Variants in KIAA0319 observed in about 807,000 individuals in gnomAD.
The protein encoded by KIAA0319 is KIAA0319.
KIAA0319 carries 83 observed loss-of-function variants against 108.4 expected under a neutral mutation model. The ratio of observed to expected loss-of-function variants is 0.77; its 90% CI spans 0.64 to 0.92. KIAA0319 has a LOEUF of 0.92. Ranked by LOEUF, KIAA0319 falls within the 40% of genes least tolerant of loss-of-function variation. KIAA0319 has a pLI of 0.00. For missense variants in KIAA0319, 1,195 were observed against 1,322.4 expected (o/e 0.90, Z 1.49); for synonymous variants, 484 against 510.4 (o/e 0.95, Z 0.70).
At chr6:24,617,490 C>T (rs1562077885) in intron 1 of KIAA0319, among the ~76,000 whole-genome samples, 1 of 152,010 alleles carries the variant, frequency 6.6e-6, no homozygotes, top group Non-Finnish European at 1.5e-5. Flanking sequence ...TAAAGGATAT[C>T]CCCAAAGGCC....
At chr6:24,640,199 T>C (rs1371182240) in intron 1 of KIAA0319, among the ~76,000 whole-genome samples, 1 of 152,154 alleles carries the variant, frequency 6.6e-6, no homozygotes, top group Non-Finnish European at 1.5e-5. Flanking sequence ...AATAAAACAG[T>C]CCCTTCTCTA....
chr6:24,554,640 C>T lies in KIAA0319; in HGVS notation c.2858-9G>A. ...ATAGAATATACTCCACTCTGAAACA[C>T]AAGAAAACCAAAGTGGACATAGTTA... On this transcript the variant is annotated splice_polypyrimidine_tract_variant and intron_variant, in intron 18 of 20. Transcript: ENST00000378214. 6.3e-7 allele frequency: 1 copy of T among 1,582,324 alleles called. No homozygotes were observed. Among genetic ancestry groups the T allele is most frequent in the Non-Finnish European group, 8.7e-7 (1 of 1,152,788 alleles).
chr6:24,615,237 CA>C (rs1393069156), intron 1 of KIAA0319, among the ~76,000 whole-genome samples: 3 of 152,070 alleles, frequency 2.0e-5, no homozygotes, highest in Non-Finnish European at 4.4e-5. Flanking sequence ...AACCTAACGT[CA>C]ATTGACAGGA....
chr6:24,553,260 G>A (rs1253671230), intron 19 of KIAA0319, among the ~76,000 whole-genome samples: 2 of 126,142 alleles, frequency 1.6e-5, no homozygotes, highest in Admixed American at 1.7e-4. Context: ...GGCCACTTAG[G>A]TACTTGTGAG....
intron 16 of KIAA0319, among the ~76,000 whole-genome samples, chr6:24,559,996 T>C (rs948569296): frequency 6.6e-6 from 1 of 152,240 alleles, no homozygotes; most frequent in Non-Finnish European, 1.5e-5. Context: ...CTTACCATCA[T>C]GTTTTCAAAG....
At chr6:24,632,803 G>A (rs1257590005) in intron 1 of KIAA0319, among the ~76,000 whole-genome samples, 1 of 152,196 alleles carries the variant, frequency 6.6e-6, no homozygotes, top group Admixed American at 6.5e-5. Context: ...ATAAACCTGT[G>A]CCAATCAACA....
In KIAA0319 at chr6:24,576,429, T is replaced by G. The variant is rs1191064488; in HGVS notation, c.1673A>C (p.Gln558Pro). The G allele has an allele frequency of 1.2e-6, 2 of 1,614,072 alleles. No individual in the cohort carries two copies. The highest frequency in any genetic ancestry group is 1.3e-5 in the African/African-American group (1 of 74,920). The change falls in exon 10 of 21, where the codon CAG (glutamine) becomes CCG (proline). Residue 558 changes from glutamine to proline, a missense_variant. By Grantham distance (76) the Gln-to-Pro change is moderately conservative (BLOSUM62 -1). Coordinates refer to ENST00000378214, the MANE Select transcript of KIAA0319 (RefSeq NM_014809.4). ...LNGNQSSDDH[Q>P]IVLYEWSLGP... ...CAGGGACCACTCATAGAGGACAATC[T>G]GGTGATCGTCACTGCTCTGGTTTCC... is the stretch of plus-strand genomic sequence containing the variant.
intron 1 of KIAA0319, among the ~76,000 whole-genome samples, chr6:24,633,027 G>T (rs1313989495): frequency 6.6e-6 from 1 of 152,136 alleles, no homozygotes; most frequent in Non-Finnish European, 1.5e-5. Context: ...GAAAATACAG[G>T]CAAGGAAGAT....
chr6:24,579,578 T>C (rs1766151943), intron 8 of KIAA0319, among the ~76,000 whole-genome samples: 1 of 149,488 alleles, frequency 6.7e-6, no homozygotes, highest in Non-Finnish European at 1.5e-5. Flanking sequence ...GCTAACCATA[T>C]ATACCACACC....
intron 1 of KIAA0319, among the ~76,000 whole-genome samples, chr6:24,641,593 C>A (rs1329962023): frequency 2.0e-5 from 3 of 152,122 alleles, no homozygotes; most frequent in Non-Finnish European, 4.4e-5. Context: ...CATGGGAAGA[C>A]CTTTCCTATA....
At chr6:24,619,890 T>C (rs1773684785) in intron 1 of KIAA0319, among the ~76,000 whole-genome samples, 1 of 152,202 alleles carries the variant, frequency 6.6e-6, no homozygotes, top group Non-Finnish European at 1.5e-5. Context: ...CCTCGCTGCT[T>C]CAGCCAGAGC....
chr6:24,599,385 G>A lies in KIAA0319; in HGVS notation c.55+1664C>T. 3 of 547,376 alleles carry A rather than the reference G, an allele frequency of 5.5e-6. No individual in the cohort carries two copies. Among genetic ancestry groups the A allele is most frequent in the Non-Finnish European group, 7.0e-6 (2 of 284,568 alleles). 33.9% of individuals were successfully genotyped at this position (547,376 alleles called of 1,614,324 possible). A position where few individuals can be genotyped will look rare whatever the true frequency, so the allele number is the denominator to read the frequency against. ...GGATGCGGAGAAGCGTGGGGAGCTG[G>A]CCATTAAGGATGCCAATGCCAAGCT... is the stretch of plus-strand genomic sequence containing the variant. On this transcript the variant is annotated intron_variant, in intron 2 of 20. Coordinates refer to ENST00000378214, the MANE Select transcript of KIAA0319 (RefSeq NM_014809.4). This position sits in a 1 kb window ranked among gnomAD's most constrained non-coding sequence, Gnocchi z 4.1.
intron 3 of KIAA0319, among the ~76,000 whole-genome samples, chr6:24,591,437 A>C (rs1382471451): frequency 6.6e-6 from 1 of 152,080 alleles, no homozygotes; most frequent in African/African-American, 2.4e-5. Context: ...GTGAGACTCT[A>C]TCTCTACAAA....
In KIAA0319 at chr6:24,569,987, A is replaced by C; in HGVS notation, c.1907T>G (p.Ile636Ser). The change falls in exon 12 of 21, where the codon ATC becomes AGC. Residue 636 changes from isoleucine (I) to serine (S), a missense_variant. Transcript: ENST00000378214. ...VAVAGPDKEL[I>S]FPVESATLDG... ...CAGGGTAGCACTTTCCACTGGGAAGATCAGCTCTTTATCAGGGCCGGCCAC... is the reference window on the plus strand; with the variant it reads ...CAGGGTAGCACTTTCCACTGGGAAGCTCAGCTCTTTATCAGGGCCGGCCAC... 1.2e-6 allele frequency: 2 copies of C among 1,614,122 alleles called. No homozygotes were observed. Among genetic ancestry groups the C allele is most frequent in the Non-Finnish European group, 1.7e-6 (2 of 1,179,958 alleles).
intron 1 of KIAA0319, among the ~76,000 whole-genome samples, chr6:24,639,900 A>G (rs1480211678): frequency 4.0e-5 from 6 of 151,882 alleles, no homozygotes; most frequent in Admixed American, 2.6e-4. Flanking sequence ...ATTGGTAAGT[A>G]AGAAACTGGC....
At chr6:24,561,602 G>A (rs1436620146) in intron 16 of KIAA0319, among the ~76,000 whole-genome samples, 1 of 152,118 alleles carries the variant, frequency 6.6e-6, no homozygotes, top group Non-Finnish European at 1.5e-5. Context: ...AGGCTGGAAT[G>A]CAATGGTGTG....
At chr6:24,543,620 C>G (rs760464577), downstream of KIAA0319, among the ~76,000 whole-genome samples, 1 of 152,058 alleles carries the variant, frequency 6.6e-6, no homozygotes, top group Non-Finnish European at 1.5e-5. Flanking sequence ...TTTTTTGAGA[C>G]AGGATTTGGC....
chr6:24,567,716 A>G (rs1052697586), intron 13 of KIAA0319, among the ~76,000 whole-genome samples: 48 of 152,154 alleles, frequency 3.2e-4, no homozygotes, highest in African/African-American at 1.1e-3. Flanking sequence ...TAAAAATAAA[A>G]AAATGAGGCA....
At position 24,547,253 on chromosome 6, in the gene KIAA0319, T is replaced by C. The variant is rs1224879115; in HGVS notation, c.3131A>G (p.Glu1044Gly). The C allele has an allele frequency of 6.2e-7, 1 of 1,614,192 alleles. No homozygotes were observed. Among genetic ancestry groups the C allele is most frequent in the Non-Finnish European group, 8.5e-7 (1 of 1,180,000 alleles). ...DSDQDTIFSR[E>G]KMERGNPKVS... ...CTTTGGATTCCCTCTCTCCATCTTT[T>C]CTCGGCTGAAGATTGTGTCCTGGTC... Residue 1044 changes from glutamate to glycine, a missense_variant, in exon 21 of 21, where the codon GAA (glutamate) becomes GGA (glycine). Physicochemically the swap from Glu to Gly is moderately conservative, Grantham distance 98. Transcript: ENST00000378214.
Sources: allele counts gnomAD v4.1 joint callset (sites outside exome capture counted in the v4.1 genomes callset), GRCh38; gene constraint gnomAD v4.1.1; non-coding constraint Gnocchi (gnomAD v3.1); transcripts MANE v1.5; gene names NCBI Gene and HGNC (gene_info 2026-07-23, HGNC 2026-07-21).